The following INPP4B variants were observed in gnomAD, a reference collection of about 807,000 sequenced individuals.
The protein encoded by INPP4B is inositol polyphosphate-4-phosphatase type II B.
In INPP4B, 55 loss-of-function variants were observed where a neutral mutation model predicts 122.5. The observed-to-expected ratio is 0.45, with a 90% CI of 0.36 to 0.56. INPP4B has a LOEUF of 0.56. Among genes scored for constraint, INPP4B ranks in the 20% least tolerant of loss-of-function variants. The probability of loss-of-function intolerance (pLI) is 0.00; values close to 1 mark genes in which losing one functional copy is unlikely to be tolerated. For synonymous variants in INPP4B, 403 were observed against 388.7 expected, an observed-to-expected ratio of 1.04 and a Z score of -0.43; for missense variants, 1,000 against 1,097.7, an observed-to-expected ratio of 0.91 and a Z score of 1.26.
intron 1 of INPP4B, among the ~76,000 whole-genome samples, chr4:142,792,959 A>G (rs1776754097): frequency 6.6e-6 from 1 of 152,036 alleles, no homozygotes; most frequent in Non-Finnish European, 1.5e-5. Context: ...CCTTTACTAG[A>G]TAGACATTGG....
intron 1 of INPP4B, among the ~76,000 whole-genome samples, chr4:142,779,596 G>A (rs753594375): frequency 2.0e-5 from 3 of 152,016 alleles, no homozygotes; most frequent in Non-Finnish European, 4.4e-5. Context: ...TATTGGTATG[G>A]CATCCCTTCC....
intron 2 of INPP4B, among the ~76,000 whole-genome samples, chr4:142,485,165 G>A (rs1301135565): frequency 6.6e-6 from 1 of 152,058 alleles, no homozygotes; most frequent in Non-Finnish European, 1.5e-5. Context: ...TGCTTTGAAA[G>A]AAGAGACTTT....
intron 2 of INPP4B, among the ~76,000 whole-genome samples, chr4:142,662,427 C>T (rs1755368788): frequency 6.6e-6 from 1 of 152,060 alleles, no homozygotes; most frequent in Admixed American, 6.6e-5. Context: ...GCATTGATGA[C>T]TAATTGTCCA....
chr4:142,773,441 T>C (rs1003901221), intron 1 of INPP4B, among the ~76,000 whole-genome samples: 1 of 152,168 alleles, frequency 6.6e-6, no homozygotes, highest in African/African-American at 2.4e-5. Flanking sequence ...CTGTTTATTA[T>C]TAAAATTCAC....
Position 142,628,749 on chromosome 4 carries a change from A to G in INPP4B, c.-191+97090T>C, listed in dbSNP as rs1379652400. On this transcript the variant is annotated intron_variant, in intron 2 of 25. Coordinates refer to ENST00000262992, the MANE Select transcript of INPP4B (RefSeq NM_001101669.3). ...TTCCTAATGTTTAGTTTCTTTGCAG[A>G]GAAGATATATTCATTCTCTATGACA... Among the ~76,000 whole-genome samples, 4 of 151,988 alleles carry G rather than the reference A, an allele frequency of 2.6e-5. No homozygotes were observed. In the East Asian group the frequency reaches 7.7e-4, roughly 29 times the overall value.
At chr4:142,133,014 A>AG (rs1802094040) in intron 18 of INPP4B, among the ~76,000 whole-genome samples, 2 of 152,166 alleles carry the variant, frequency 1.3e-5, no homozygotes, top group Non-Finnish European at 2.9e-5. Context: ...GCCATCTCTT[A>AG]GTCCTCATTT....
chr4:142,792,289 A>G (rs1776654074), intron 1 of INPP4B, among the ~76,000 whole-genome samples: 1 of 152,012 alleles, frequency 6.6e-6, no homozygotes, highest in African/African-American at 2.4e-5. Context: ...TGTTACTCCA[A>G]TTGGCAAAAC....
At chr4:142,072,607 A>C (rs558709669) in intron 25 of INPP4B, among the ~76,000 whole-genome samples, 203 of 151,904 alleles carry the variant, frequency 1.3e-3, no homozygotes, top group African/African-American at 4.7e-3. Context: ...CAGTTTAGTA[A>C]AAACAATGTG....
chr4:142,281,219 G>T (rs550811683), intron 9 of INPP4B, among the ~76,000 whole-genome samples: 1 of 151,768 alleles, frequency 6.6e-6, no homozygotes, highest in South Asian at 2.1e-4. Flanking sequence ...AAAGAAATAT[G>T]TTATAGGAGG....
chr4:142,806,329 G>A (rs971674490), intron 1 of INPP4B, among the ~76,000 whole-genome samples: 2 of 148,160 alleles, frequency 1.3e-5, no homozygotes, highest in Admixed American at 1.3e-4. Flanking sequence ...ATATAAATGC[G>A]TGTGTGCACT....
chr4:142,651,237 T>G (rs577016553), intron 2 of INPP4B, among the ~76,000 whole-genome samples: 7 of 152,110 alleles, frequency 4.6e-5, no homozygotes, highest in African/African-American at 1.7e-4. Context: ...GGAGGAAAAT[T>G]TATAGCACTA....
chr4:142,790,010 G>C (rs992123756), intron 1 of INPP4B, among the ~76,000 whole-genome samples: 3 of 151,922 alleles, frequency 2.0e-5, no homozygotes, highest in Admixed American at 1.3e-4. Context: ...AATGGTGCTG[G>C]GATAATTGGC....
At chr4:142,534,157 G>C (rs1221688846) in intron 2 of INPP4B, among the ~76,000 whole-genome samples, 1 of 152,082 alleles carries the variant, frequency 6.6e-6, no homozygotes, top group African/African-American at 2.4e-5. Flanking sequence ...CTTTAAAGTT[G>C]AAGGGGTTCA....
At chr4:142,040,036 T>TG (rs148634792) in intron 25 of INPP4B, among the ~76,000 whole-genome samples, 9 of 151,502 alleles carry the variant, frequency 5.9e-5, no homozygotes, top group East Asian at 5.8e-4. Flanking sequence ...CATTGCGGGT[T>TG]GGGGGGGTAA....
chr4:142,676,972 A>G (rs1757904566), intron 2 of INPP4B, among the ~76,000 whole-genome samples: 2 of 152,194 alleles, frequency 1.3e-5, no homozygotes. Flanking sequence ...CAATGGCAAC[A>G]AACGCCAATA....
chr4:142,352,503 T>A (rs1049725218), intron 7 of INPP4B, among the ~76,000 whole-genome samples: 1 of 151,336 alleles, frequency 6.6e-6, no homozygotes, highest in African/African-American at 2.4e-5. Flanking sequence ...CATATATATA[T>A]ATTACTTTTC....
chr4:142,718,090 A>T (rs1339088813), intron 2 of INPP4B, among the ~76,000 whole-genome samples: 1 of 152,088 alleles, frequency 6.6e-6, no homozygotes, highest in Non-Finnish European at 1.5e-5. Context: ...GTATAGCTAC[A>T]AGGCAACATC....
At chr4:142,522,412 A>G (rs771594728) in intron 2 of INPP4B, among the ~76,000 whole-genome samples, 19 of 140,964 alleles carry the variant, frequency 1.3e-4, no homozygotes, top group Non-Finnish European at 2.0e-4. Context: ...CACAGGCATG[A>G]TCACAGAGCA....
intron 1 of INPP4B, among the ~76,000 whole-genome samples, chr4:142,780,462 T>C (rs1774615325): frequency 6.6e-6 from 1 of 152,102 alleles, no homozygotes; most frequent in Non-Finnish European, 1.5e-5. Context: ...TGAAAACACA[T>C]ACACTTAGCA....
Sources: allele counts gnomAD v4.1 joint callset (sites outside exome capture counted in the v4.1 genomes callset), GRCh38; gene constraint gnomAD v4.1.1; transcripts MANE v1.5; gene names NCBI Gene and HGNC (gene_info 2026-07-23, HGNC 2026-07-21).